ACAP1: variants seen among roughly 807,000 people sequenced by gnomAD.
ACAP1 encodes the protein arf-GAP with coiled-coil, ANK repeat and PH domain-containing protein 1.
ACAP1 carries 45 observed loss-of-function variants against 98.8 expected under a neutral mutation model. That is an observed-to-expected ratio of 0.46 (90% CI 0.36 to 0.58). ACAP1 has a LOEUF of 0.58. Ranked by LOEUF, ACAP1 falls within the 20% of genes least tolerant of loss-of-function variation. The pLI is 0.00. For missense variants in ACAP1, 735 were observed against 971.4 expected (o/e 0.76, Z 3.24); for synonymous variants, 362 against 375.3 (o/e 0.96, Z 0.41).
chr17:7,340,967 C>T (rs2073270335), intron 2 of ACAP1, among the ~76,000 whole-genome samples: 2 of 152,144 alleles, frequency 1.3e-5, no homozygotes, highest in South Asian at 4.1e-4. Flanking sequence ...AGGTCTGAGC[C>T]ACCTTGCCTG....
In ACAP1 at chr17:7,343,436, G is replaced by A. The variant is rs769837362; in HGVS notation, c.402G>A (p.Leu134=). The part of the protein sequence containing the change: ...RRDFWRGAES[L]EAALTHNAEV... Reference sequence around the variant, plus strand: ...ATTTCTGGCGGGGGGCTGAGAGCCTGGAGGCTGCCCTGACCCACAACGCAG... The same window carrying A: ...ATTTCTGGCGGGGGGCTGAGAGCCTAGAGGCTGCCCTGACCCACAACGCAG... The change falls in exon 6 of 22, where the codon CTG becomes CTA. Residue 134 remains leucine (L), a synonymous_variant. Coordinates refer to ENST00000158762, the MANE Select transcript of ACAP1 (RefSeq NM_014716.4). This position sits in a 1 kb window ranked among gnomAD's most constrained non-coding sequence, Gnocchi z 4.9. 2 of 1,614,094 alleles carry A rather than the reference G, an allele frequency of 1.2e-6. No homozygotes were observed. The highest frequency in any genetic ancestry group is 4.5e-5 in the East Asian group (2 of 44,882).
At chr17:7,338,838 CA>C (rs1467164871) in intron 2 of ACAP1, among the ~76,000 whole-genome samples, 12 of 151,994 alleles carry the variant, frequency 7.9e-5, no homozygotes, top group Admixed American at 7.2e-4. Context: ...TGAGCCACCA[CA>C]CCTGGCCTGA....
Position 7,350,309 on chromosome 17 carries a change from C to A in ACAP1, c.2072+72C>A. 4.6e-6 allele frequency: 4 copies of A among 872,326 alleles called. No individual in the cohort carries two copies. Among genetic ancestry groups the A allele is most frequent in the Non-Finnish European group, 6.9e-6 (4 of 578,986 alleles). The allele number at this position is 872,326 out of a possible 1,614,324, so 54.0% of individuals were successfully genotyped here. On this transcript the variant is annotated intron_variant, in intron 20 of 21. Coordinates refer to ENST00000158762, the MANE Select transcript of ACAP1 (RefSeq NM_014716.4). This position sits in a 1 kb window ranked among gnomAD's most constrained non-coding sequence, Gnocchi z 4.6. ...CCCCGCCCACCCACGTTCGGGCGGGCGGGCGGGGCTGACGCCGAAACAGAA... is the reference window on the plus strand; with the variant it reads ...CCCCGCCCACCCACGTTCGGGCGGGAGGGCGGGGCTGACGCCGAAACAGAA...
chr17:7,347,751 G>T, intron 14 of ACAP1, 171 bp from the exon 15 acceptor site: 1 of 617,658 alleles, frequency 1.6e-6, no homozygotes, highest in East Asian at 2.7e-5. Flanking sequence ...GCCAGGGCCA[G>T]GTCAAGGCTA....
chr17:7,343,945 C>G lies in ACAP1; in HGVS notation c.658C>G (p.Leu220Val). 6.3e-7 allele frequency: 1 copy of G among 1,593,232 alleles called. No homozygotes were observed. The highest frequency in any genetic ancestry group is 8.6e-7 in the Non-Finnish European group (1 of 1,169,406). ...CCGGCTGTCCCAGTATCGAAAGGAG[C>G]TGGGCGCCCAGGTGGGGCCCCAGGG... ...LSRLSQYRKELGAQLHQLVLN... is the reference protein window; with the variant it reads ...LSRLSQYRKEVGAQLHQLVLN... The change falls in exon 8 of 22, where the codon CTG (leucine) becomes GTG (valine). Residue 220 changes from leucine to valine, a missense_variant. Around this residue, in one of 5 missense-constraint regions of ACAP1, gnomAD observed 430 missense variants for 531.8 expected, o/e 0.81. Transcript: ENST00000158762. This position sits in a 1 kb window ranked among gnomAD's most constrained non-coding sequence, Gnocchi z 4.9.
In ACAP1 at chr17:7,336,716, C is replaced by G. The variant is rs1278956269; in HGVS notation, c.-19C>G. ...GCCCGGCCTCCAGGGCCCGCTGGCC[C>G]CACAGCAGGCAAGCTGAGATGACGG... On this transcript the variant is annotated 5_prime_UTR_variant, in exon 1 of 22. Coordinates refer to ENST00000158762, the MANE Select transcript of ACAP1 (RefSeq NM_014716.4). 4 of 1,613,684 alleles carry G rather than the reference C, an allele frequency of 2.5e-6. No homozygotes were observed. Among genetic ancestry groups the G allele is most frequent in the Non-Finnish European group, 3.4e-6 (4 of 1,179,794 alleles).
chr17:7,348,233 G>A lies in ACAP1; in HGVS notation c.1508+12G>A. ...CCCAGCTGCTCCCGGTGAGCTTGGGGTTTAGCCTCCCAGGGGAATGGGGGA... is the reference window on the plus strand; with the variant it reads ...CCCAGCTGCTCCCGGTGAGCTTGGGATTTAGCCTCCCAGGGGAATGGGGGA... On this transcript the variant is annotated intron_variant, in intron 16 of 21. Coordinates refer to ENST00000158762, the MANE Select transcript of ACAP1 (RefSeq NM_014716.4). 5 of 1,612,940 alleles carry A rather than the reference G, an allele frequency of 3.1e-6. No individual in the cohort carries two copies. The highest frequency in any genetic ancestry group is 4.2e-6 in the Non-Finnish European group (5 of 1,179,418).
Position 7,346,386 on chromosome 17 carries a change from G to A in ACAP1, c.907-5G>A. On this transcript the variant is annotated splice_region_variant and splice_polypyrimidine_tract_variant and intron_variant, in intron 11 of 21. Coordinates refer to ENST00000158762, the MANE Select transcript of ACAP1 (RefSeq NM_014716.4). ...ATCTGGCCCCTTATCACCTTATCCT[G>A]CCAGGACCCTGTGACTGTGGTGGTG... 1 of 1,613,998 alleles carries A rather than the reference G, an allele frequency of 6.2e-7. No individual in the cohort carries two copies. The highest frequency in any genetic ancestry group is 8.5e-7 in the Non-Finnish European group (1 of 1,179,934).
In ACAP1 at chr17:7,348,975, G is replaced by C; in HGVS notation, c.1679-20G>C. The C allele has an allele frequency of 6.2e-7, 1 of 1,610,020 alleles. No homozygotes were observed. Among genetic ancestry groups the C allele is most frequent in the South Asian group, 1.1e-5 (1 of 90,928 alleles). On this transcript the variant is annotated intron_variant, in intron 17 of 21. Coordinates refer to ENST00000158762, the MANE Select transcript of ACAP1 (RefSeq NM_014716.4). Reference sequence around the variant, plus strand: ...GACTCGGAGCTGCTTCCCCCTAACAGAACCAAATCCCCCGAACAGAGCCCC... The same window carrying C: ...GACTCGGAGCTGCTTCCCCCTAACACAACCAAATCCCCCGAACAGAGCCCC...
rs58420692 is a variant in ACAP1, at chr17:7,340,707, G to A, written c.112-1241G>A. Among the ~76,000 whole-genome samples, 25 of 152,244 alleles carry A rather than the reference G, an allele frequency of 1.6e-4. No individual in the cohort carries two copies. The East Asian group carries it at 3.9e-3, about 24-fold the overall frequency. ...TAAAAATACAAAAAATTAGCTGGGC[G>A]TGGTGGCGGGCACCTGTAATCCCAG... On this transcript the variant is annotated intron_variant, in intron 2 of 21. Transcript: ENST00000158762.
intron 2 of ACAP1, 120 bp downstream of exon 2, chr17:7,337,489 A>G: frequency 1.1e-6 from 1 of 940,660 alleles, no homozygotes; most frequent in Non-Finnish European, 1.7e-6. Context: ...TAGGGGAGAT[A>G]TTTTGGAGAC....
At chr17:7,348,902 G>C in intron 17 of ACAP1, 93 bp from the exon 18 acceptor site, 15 of 1,193,542 alleles carry the variant, frequency 1.3e-5, no homozygotes, top group Non-Finnish European at 1.8e-5. Context: ...ATTTAGAAGA[G>C]ACCTGTCCCA....
chr17:7,349,772 T>A, intron 18 of ACAP1, 173 bp from the exon 19 acceptor site: 1 of 568,088 alleles, frequency 1.8e-6, no homozygotes, highest in East Asian at 2.8e-5. Context: ...TATGAATACA[T>A]GCAAAGAGCT....
In ACAP1 at chr17:7,350,002, G is replaced by C. The variant is rs2073387093; in HGVS notation, c.1909G>C (p.Asp637His). The stretch of plus-strand genomic sequence containing the variant: ...GAACGGGGCGAACGTGAACCAAGCG[G>C]ACAGTGCGGGCCGGGGCCCGCTGCA... ...LQNGANVNQA[D>H]SAGRGPLHHA... The change falls in exon 19 of 22, where the codon GAC becomes CAC. Residue 637 changes from aspartate to histidine, a missense_variant. Physicochemically the swap from Asp to His is moderately conservative, Grantham distance 81. Coordinates refer to ENST00000158762, the MANE Select transcript of ACAP1 (RefSeq NM_014716.4). This position sits in a 1 kb window ranked among gnomAD's most constrained non-coding sequence, Gnocchi z 4.6. 6.2e-7 allele frequency: 1 copy of C among 1,613,460 alleles called. No individual in the cohort carries two copies. The highest frequency in any genetic ancestry group is 1.3e-5 in the African/African-American group (1 of 74,936).
intron 13 of ACAP1, 37 bp downstream of exon 13, chr17:7,346,968 T>G: frequency 6.3e-7 from 1 of 1,592,342 alleles, no homozygotes; most frequent in Non-Finnish European, 8.6e-7. Context: ...AGGCTGCCTG[T>G]GGAGATGGGG....
chr17:7,347,372 C>T, intron 14 of ACAP1, 130 bp downstream of exon 14: 5 of 977,760 alleles, frequency 5.1e-6, no homozygotes, highest in Non-Finnish European at 7.3e-6. Context: ...GGCTTTGTCA[C>T]TGGGTACCAG....
At position 7,343,263 on chromosome 17, in the gene ACAP1, T is replaced by C. The variant is rs2073310246; in HGVS notation, c.345-116T>C. 1.8e-6 allele frequency: 2 copies of C among 1,109,648 alleles called. No individual in the cohort carries two copies. Among genetic ancestry groups the C allele is most frequent in the South Asian group, 1.6e-5 (1 of 62,464 alleles). The allele number at this position is 1,109,648 out of a possible 1,614,324, so 68.7% of individuals were successfully genotyped here. ...CCTGACTTCCGTCCCAGGGATCACCTTGGGTTTCCCACGTTGCAGAGACTA... is the reference window on the plus strand; with the variant it reads ...CCTGACTTCCGTCCCAGGGATCACCCTGGGTTTCCCACGTTGCAGAGACTA... On this transcript the variant is annotated intron_variant, in intron 5 of 21. Transcript: ENST00000158762. The surrounding 1 kb of genome is among the most constrained non-coding windows in gnomAD (Gnocchi z 4.9).
Position 7,350,192 on chromosome 17 carries a change from C to T in ACAP1, c.2027C>T (p.Pro676Leu). Residue 676 changes from proline to leucine, a missense_variant, in exon 20 of 22, where the codon CCT (proline) becomes CTT (leucine). This residue lies in a region of ACAP1 where 142 missense variants were observed against 224.1 expected (regional missense o/e 0.63). Coordinates refer to ENST00000158762, the MANE Select transcript of ACAP1 (RefSeq NM_014716.4). This position sits in a 1 kb window ranked among gnomAD's most constrained non-coding sequence, Gnocchi z 4.6. ...LGARDSEGRD[P>L]LTIAMETANA... ...GCTCGAGACTCTGAAGGCAGGGACCCTCTGACCATCGCCATGGAAACAGCC... is the reference window on the plus strand; with the variant it reads ...GCTCGAGACTCTGAAGGCAGGGACCTTCTGACCATCGCCATGGAAACAGCC... 6.2e-7 allele frequency: 1 copy of T among 1,614,206 alleles called. No homozygotes were observed. The highest frequency in any genetic ancestry group is 8.5e-7 in the Non-Finnish European group (1 of 1,180,024).
chr17:7,336,904 C>G, intron 1 of ACAP1, 117 bp downstream of exon 1: 1 of 1,168,400 alleles, frequency 8.6e-7, no homozygotes. Flanking sequence ...GAGGCAGGAG[C>G]GAGCCTGTGG....
Sources: allele counts gnomAD v4.1 joint callset (sites outside exome capture counted in the v4.1 genomes callset), GRCh38; gene constraint gnomAD v4.1.1; regional missense constraint gnomAD v4.1.1; non-coding constraint Gnocchi (gnomAD v3.1); transcripts MANE v1.5; gene names NCBI Gene and HGNC (gene_info 2026-07-23, HGNC 2026-07-21).